Variants in DACH1 observed in about 807,000 individuals in gnomAD.
DACH1 encodes the protein dachshund family transcription factor 1, also known as dachshund homolog 1.
DACH1 carries 12 observed loss-of-function variants against 54.2 expected under a neutral mutation model. The observed-to-expected ratio is 0.22, with a 90% CI of 0.14 to 0.36. The LOEUF is 0.36. Among genes scored for constraint, DACH1 ranks in the 10% least tolerant of loss-of-function variants. The pLI is 1.00. For missense variants in DACH1, 805 were observed against 929.8 expected, an observed-to-expected ratio of 0.87 and a Z score of 1.75; for synonymous variants, 386 against 366.2, an observed-to-expected ratio of 1.05 and a Z score of -0.62.
intron 1 of DACH1, among the ~76,000 whole-genome samples, chr13:71,778,792 T>C (rs939622153): frequency 3.2e-4 from 48 of 152,100 alleles, no homozygotes; most frequent in African/African-American, 1.1e-3. Context: ...AAACAATAAA[T>C]TTGTTCTGGT....
chr13:71,570,419 C>G (rs900227145), intron 4 of DACH1, among the ~76,000 whole-genome samples: 1 of 152,156 alleles, frequency 6.6e-6, no homozygotes, highest in Non-Finnish European at 1.5e-5. Flanking sequence ...AGCCCTTCCA[C>G]AACAGCCAAT....
chr13:71,748,874 CT>C (rs201954828), intron 1 of DACH1, among the ~76,000 whole-genome samples: 5 of 20,226 alleles, frequency 2.5e-4, no homozygotes, highest in South Asian at 1.3e-3. Flanking sequence ...TTCTTTCTTT[CT>C]TTCTTTCTTT....
intron 10 of DACH1, among the ~76,000 whole-genome samples, chr13:71,454,785 G>T (rs1875404555): frequency 6.6e-6 from 1 of 152,150 alleles, no homozygotes; most frequent in Non-Finnish European, 1.5e-5. Flanking sequence ...GTAGCCTGGG[G>T]TACCCAAAGC....
At chr13:71,664,025 G>A (rs924813296) in intron 2 of DACH1, among the ~76,000 whole-genome samples, 3 of 151,896 alleles carry the variant, frequency 2.0e-5, no homozygotes, top group Admixed American at 1.3e-4. Flanking sequence ...AAAATCTCCA[G>A]TGTGAAGTAG....
intron 1 of DACH1, among the ~76,000 whole-genome samples, chr13:71,816,295 A>G (rs1182561518): frequency 6.6e-6 from 1 of 152,056 alleles, no homozygotes; most frequent in Non-Finnish European, 1.5e-5. Context: ...GATCAGGGGC[A>G]TGTGACCCTT....
At chr13:71,563,442 A>G (rs1036011530) in intron 4 of DACH1, among the ~76,000 whole-genome samples, 52 of 152,098 alleles carry the variant, frequency 3.4e-4, no homozygotes, top group African/African-American at 1.2e-3. Context: ...TAACTCATAA[A>G]ATGCTTAAAT....
intron 3 of DACH1, among the ~76,000 whole-genome samples, chr13:71,578,342 T>C (rs1885663132): frequency 6.6e-6 from 1 of 152,144 alleles, no homozygotes; most frequent in African/African-American, 2.4e-5. Context: ...GTCAACTCCA[T>C]CTTAACAACG....
intron 3 of DACH1, among the ~76,000 whole-genome samples, chr13:71,575,870 A>G (rs1885495256): frequency 6.6e-6 from 1 of 152,132 alleles, no homozygotes; most frequent in African/African-American, 2.4e-5. Flanking sequence ...GATGAAAAAT[A>G]TACAATATGT....
chr13:71,784,871 T>C (rs1265959485), intron 1 of DACH1, among the ~76,000 whole-genome samples: 1 of 152,202 alleles, frequency 6.6e-6, no homozygotes, highest in Non-Finnish European at 1.5e-5. Context: ...TGCTGAATTA[T>C]CTAGATCTGT....
At chr13:71,449,128 T>C (rs1420991053) in intron 10 of DACH1, among the ~76,000 whole-genome samples, 1 of 151,738 alleles carries the variant, frequency 6.6e-6, no homozygotes, top group Non-Finnish European at 1.5e-5. Flanking sequence ...TGGCCCGAGG[T>C]CAGGAGTTTG....
At chr13:71,692,353 T>C (rs1313436930) in intron 1 of DACH1, among the ~76,000 whole-genome samples, 1 of 152,058 alleles carries the variant, frequency 6.6e-6, no homozygotes, top group African/African-American at 2.4e-5. Context: ...AAATCTTCTC[T>C]GTCTGTACTG....
At chr13:71,548,096 T>C (rs1391326939) in intron 6 of DACH1, among the ~76,000 whole-genome samples, 1 of 152,180 alleles carries the variant, frequency 6.6e-6, no homozygotes, top group Admixed American at 6.5e-5. Flanking sequence ...AAATTGAAAA[T>C]ATGTTTTTAA....
At chr13:71,813,017 G>A (rs564303313) in intron 1 of DACH1, among the ~76,000 whole-genome samples, 83 of 152,158 alleles carry the variant, frequency 5.5e-4, no homozygotes, top group African/African-American at 2.0e-3. Context: ...CTTCCAATAG[G>A]TTTCATGCAT....
At position 71,866,802 on chromosome 13, in the gene DACH1, A is replaced by C; in HGVS notation, c.-33T>G. 7.9e-7 allele frequency: 1 copy of C among 1,264,342 alleles called. No homozygotes were observed. Among genetic ancestry groups the C allele is most frequent in the Non-Finnish European group, 1.0e-6 (1 of 993,910 alleles). The allele number at this position is 1,264,342 out of a possible 1,614,324, so 78.3% of individuals were successfully genotyped here. A position where few individuals can be genotyped will look rare whatever the true frequency, so the allele number is the denominator to read the frequency against. On this transcript the variant is annotated 5_prime_UTR_variant, in exon 1 of 11. Coordinates refer to ENST00000613252, the MANE Select transcript of DACH1 (RefSeq NM_080759.6). The stretch of plus-strand genomic sequence containing the variant: ...TATAAGGGGAAACAGACGGAGGAGA[A>C]GCGAGAGGAAAAGTTGCCACACACC...
At chr13:71,501,021 T>C (rs910536843) in intron 6 of DACH1, among the ~76,000 whole-genome samples, 1 of 152,156 alleles carries the variant, frequency 6.6e-6, no homozygotes, top group Non-Finnish European at 1.5e-5. Flanking sequence ...CAACTGAAAT[T>C]GTCAATCAAA....
At chr13:71,790,941 A>T (rs1270528859) in intron 1 of DACH1, among the ~76,000 whole-genome samples, 3 of 152,210 alleles carry the variant, frequency 2.0e-5, no homozygotes, top group Non-Finnish European at 4.4e-5. Flanking sequence ...AAATGATCAC[A>T]TCAACAACAT....
rs529264945 is a variant in DACH1, at chr13:71,833,667, T to C, written c.848+32255A>G. On this transcript the variant is annotated intron_variant, in intron 1 of 10. Coordinates refer to ENST00000613252, the MANE Select transcript of DACH1 (RefSeq NM_080759.6). ...TATAAGCTTTTTTGATTTATAAGAG[T>C]ATTCATTCATCTAAACTTTTATAAC... Among the ~76,000 whole-genome samples the C allele has an allele frequency of 8.6e-5, 13 of 152,014 alleles. No homozygotes were observed. The South Asian group carries it at 1.7e-3, about 19-fold the overall frequency.
At chr13:71,760,691 G>A (rs1381512966) in intron 1 of DACH1, among the ~76,000 whole-genome samples, 1 of 152,204 alleles carries the variant, frequency 6.6e-6, no homozygotes, top group Non-Finnish European at 1.5e-5. Context: ...GGGTGTTGTA[G>A]TGGTGAGGAT....
chr13:71,806,762 TG>T (rs1887522800), intron 1 of DACH1, among the ~76,000 whole-genome samples: 1 of 152,190 alleles, frequency 6.6e-6, no homozygotes, highest in African/African-American at 2.4e-5. Context: ...TAACTTATCA[TG>T]GTATCACTCT....
Sources: gnomAD v4.1 joint callset for allele counts (sites outside exome capture counted in the v4.1 genomes callset) on GRCh38, gnomAD v4.1.1 for gene constraint, MANE v1.5 for transcripts, NCBI Gene and HGNC (gene_info 2026-07-23, HGNC 2026-07-21) for gene names.